Variants in ADAMTSL2 observed in about 807,000 individuals in gnomAD.
The protein encoded by ADAMTSL2 is ADAMTS like 2.
ADAMTSL2 carries 55 observed loss-of-function variants against 117.0 expected under a neutral mutation model. The ratio of observed to expected loss-of-function variants is 0.47; its 90% CI spans 0.38 to 0.59. The LOEUF is 0.59. ADAMTSL2 is among the 20% of genes least tolerant of loss of function. The probability of loss-of-function intolerance (pLI) is 0.00; values close to 1 mark genes in which losing one functional copy is unlikely to be tolerated. For missense variants in ADAMTSL2, 1,182 were observed against 1,354.5 expected (o/e 0.87, Z 2.00); for synonymous variants, 572 against 566.4 (o/e 1.01, Z -0.14).
chr9:133,545,994 C>T (rs564151154), intron 8 of ADAMTSL2, among the ~76,000 whole-genome samples: 1 of 152,100 alleles, frequency 6.6e-6, no homozygotes, highest in African/African-American at 2.4e-5. Flanking sequence ...TGCCCCGGCT[C>T]CTCTGTTCAT....
chr9:133,563,560 C>T (rs1422934466), intron 12 of ADAMTSL2, among the ~76,000 whole-genome samples: 4 of 152,066 alleles, frequency 2.6e-5, no homozygotes, highest in African/African-American at 9.7e-5. Context: ...GCCTCGCTGG[C>T]AAGGGGCCTG....
rs1257578729 is a variant in ADAMTSL2, at chr9:133,555,853, C to T, written c.1572C>T (p.Asn524=). The stretch of plus-strand genomic sequence containing the variant: ...AGCTGAGCAGCGACAGGGTTGCCAA[C>T]AGCTCCTCCGAGGCCCCATTCCCCA... The part of the protein sequence containing the change: ...YLELSSDRVA[N]SSSEAPFPNV... The change falls in exon 11 of 19, where the codon AAC becomes AAT. Residue 524 remains asparagine (N), a synonymous_variant. Coordinates refer to ENST00000651351, the MANE Select transcript of ADAMTSL2 (RefSeq NM_014694.4). 6.8e-6 allele frequency: 11 copies of T among 1,613,268 alleles called. No homozygotes were observed. The highest frequency in any genetic ancestry group is 9.3e-6 in the Non-Finnish European group (11 of 1,179,918).
intron 5 of ADAMTSL2, 39 bp from the exon 6 acceptor site, chr9:133,540,559 G>C: frequency 6.2e-7 from 1 of 1,610,342 alleles, no homozygotes; most frequent in Non-Finnish European, 8.5e-7. Context: ...GGCATTTCCT[G>C]CCCCGCTGAA....
In ADAMTSL2 at chr9:133,534,768, G is replaced by A. The variant is rs1366547020; in HGVS notation, c.-300G>A. The stretch of plus-strand genomic sequence containing the variant: ...GCTCTTTGAAGTGGGAGAGGGAGGC[G>A]GCGCGGGGGAGGAGGGGAAGGGGAG... On this transcript the variant is annotated 5_prime_UTR_variant, in exon 1 of 19. Coordinates refer to ENST00000651351, the MANE Select transcript of ADAMTSL2 (RefSeq NM_014694.4). The A allele has an allele frequency of 2.7e-6, 4 of 1,461,542 alleles. No individual in the cohort carries two copies. In the East Asian group the frequency reaches 8.6e-5, roughly 32 times the overall value. The allele number at this position is 1,461,542 out of a possible 1,614,324, so 90.5% of individuals were successfully genotyped here.
At chr9:133,571,824 G>A (rs1265217467) in intron 17 of ADAMTSL2, among the ~76,000 whole-genome samples, 1 of 152,232 alleles carries the variant, frequency 6.6e-6, no homozygotes, top group East Asian at 1.9e-4. Flanking sequence ...CTGTTTACCT[G>A]GGGTCTCCAG....
chr9:133,542,865 A>T (rs1830258027), intron 7 of ADAMTSL2, among the ~76,000 whole-genome samples: 1 of 152,208 alleles, frequency 6.6e-6, no homozygotes, highest in Non-Finnish European at 1.5e-5. Flanking sequence ...CTGCTTGCTA[A>T]TTTGAAAATT....
At chr9:133,556,208 G>A (rs1346730692) in intron 11 of ADAMTSL2, among the ~76,000 whole-genome samples, 1 of 152,244 alleles carries the variant, frequency 6.6e-6, no homozygotes, top group African/African-American at 2.4e-5. Context: ...CTGATGGGGG[G>A]AAGGGAGGCA....
rs1194166425 is a variant in ADAMTSL2, at chr9:133,561,832, C to T, written c.1747+537C>T. ...AGAGTTGAGCTGGGATTTGAACCCA[C>T]AGCTGTCTGGTTGCACGGCCACCAT... On this transcript the variant is annotated intron_variant, in intron 12 of 18. Transcript: ENST00000651351. 3.0e-4 allele frequency among the ~76,000 whole-genome samples: 45 copies of T among 152,268 alleles called. 1 individual carries two copies. The highest frequency in any genetic ancestry group is 2.4e-3 in the Admixed American group (37 of 15,300).
Position 133,558,839 on chromosome 9 carries a change from T to C in ADAMTSL2, c.1650-2359T>C, listed in dbSNP as rs1830664930. Among the ~76,000 whole-genome samples the C allele has an allele frequency of 6.6e-6, 1 of 152,240 alleles. No individual in the cohort carries two copies. The highest frequency in any genetic ancestry group is 6.5e-5 in the Admixed American group (1 of 15,282). ...TGCTACTTCCAAGAACGGAACCTGC[T>C]AGGCGTTGCATTGTTGTGCAAATAT... On this transcript the variant is annotated intron_variant, in intron 11 of 18. Transcript: ENST00000651351. This position sits in a 1 kb window ranked among gnomAD's most constrained non-coding sequence, Gnocchi z 4.3.
rs775112822 is a variant in ADAMTSL2, at chr9:133,537,401, C to A, written c.91-4C>A. 7.5e-7 allele frequency: 1 copy of A among 1,339,928 alleles called. No individual in the cohort carries two copies. Among genetic ancestry groups the A allele is most frequent in the Non-Finnish European group, 9.6e-7 (1 of 1,036,740 alleles). 83.0% of individuals were successfully genotyped at this position (1,339,928 alleles called of 1,614,324 possible). ...TCTACCATCTGGGGGTCCCTCTCAC[C>A]CAGGACAACAGCCCAACATCCAATA... On this transcript the variant is annotated splice_region_variant and splice_polypyrimidine_tract_variant and intron_variant, in intron 2 of 18. Coordinates refer to ENST00000651351, the MANE Select transcript of ADAMTSL2 (RefSeq NM_014694.4).
Position 133,557,275 on chromosome 9 carries a change from G to A in ADAMTSL2, c.1649+1345G>A, listed in dbSNP as rs1346866423. On this transcript the variant is annotated intron_variant, in intron 11 of 18. Transcript: ENST00000651351. This position sits in a 1 kb window ranked among gnomAD's most constrained non-coding sequence, Gnocchi z 5.2. ...TCTCAAACTGTTTTCTGAGGCCACC[G>A]AGGTGCCTGGGGCTGCGGGGTGCAG... 2.0e-5 allele frequency among the ~76,000 whole-genome samples: 3 copies of A among 152,140 alleles called. No individual in the cohort carries two copies. Among genetic ancestry groups the A allele is most frequent in the African/African-American group, 7.2e-5 (3 of 41,416 alleles).
chr9:133,550,335 C>T (rs1476841782), intron 9 of ADAMTSL2, among the ~76,000 whole-genome samples: 3 of 152,188 alleles, frequency 2.0e-5, no homozygotes, highest in African/African-American at 4.8e-5. Context: ...CACTGTGGCT[C>T]CCCGCTCCAT....
chr9:133,558,252 C>T lies in ADAMTSL2; in HGVS notation c.1649+2322C>T, dbSNP rs1008980109. 5.3e-5 allele frequency among the ~76,000 whole-genome samples: 8 copies of T among 152,276 alleles called. No homozygotes were observed. The East Asian group carries it at 5.8e-4, about 11-fold the overall frequency. On this transcript the variant is annotated intron_variant, in intron 11 of 18. Coordinates refer to ENST00000651351, the MANE Select transcript of ADAMTSL2 (RefSeq NM_014694.4). The surrounding 1 kb of genome is among the most constrained non-coding windows in gnomAD (Gnocchi z 4.3). ...CCGGCCTGCCATCAAAGGATGCTGCCGCACAGGGACCAAAGATGGTGTGGA... is the reference window on the plus strand; with the variant it reads ...CCGGCCTGCCATCAAAGGATGCTGCTGCACAGGGACCAAAGATGGTGTGGA...
intron 9 of ADAMTSL2, among the ~76,000 whole-genome samples, chr9:133,550,665 G>A (rs1830460919): frequency 6.7e-6 from 1 of 148,814 alleles, no homozygotes; most frequent in African/African-American, 2.5e-5. Context: ...GTACTTTAGA[G>A]GCTTAGTGTT....
At chr9:133,535,224 G>A (rs1005957318) in intron 1 of ADAMTSL2, among the ~76,000 whole-genome samples, 2 of 152,198 alleles carry the variant, frequency 1.3e-5, no homozygotes, top group Admixed American at 6.5e-5. Flanking sequence ...GTGTCTGGAA[G>A]CCTTAATGAA....
intron 1 of ADAMTSL2, 51 bp downstream of exon 1, chr9:133,534,968 G>A (rs1011294117): frequency 1.8e-5 from 24 of 1,356,140 alleles, no homozygotes; most frequent in African/African-American, 1.1e-4. Flanking sequence ...CACCAGGCCA[G>A]CCCACTGCTC....
intron 4 of ADAMTSL2, among the ~76,000 whole-genome samples, chr9:133,539,503 C>T (rs376211504): frequency 1.3e-3 from 202 of 152,294 alleles, no homozygotes; most frequent in African/African-American, 3.9e-3. Flanking sequence ...TGGGAGAAGG[C>T]GTGGTGGGGA....
intron 9 of ADAMTSL2, among the ~76,000 whole-genome samples, chr9:133,550,631 G>T (rs1241004074): frequency 4.6e-5 from 7 of 152,140 alleles, no homozygotes; most frequent in Admixed American, 4.6e-4. Flanking sequence ...TTGTCACCCA[G>T]TAGCTGAGTG....
At chr9:133,537,381 C>T (rs1830077487) in intron 2 of ADAMTSL2, 24 bp from the exon 3 acceptor site, 5 of 1,333,022 alleles carry the variant, frequency 3.8e-6, no homozygotes, top group Non-Finnish European at 3.9e-6. Context: ...AGCCCTCTAC[C>T]ATCTGGGGGT....
Sources: allele counts gnomAD v4.1 joint callset (sites outside exome capture counted in the v4.1 genomes callset), GRCh38; gene constraint gnomAD v4.1.1; non-coding constraint Gnocchi (gnomAD v3.1); transcripts MANE v1.5; gene names NCBI Gene and HGNC (gene_info 2026-07-23, HGNC 2026-07-21).